CSKMT: variants seen among roughly 807,000 people sequenced by gnomAD.
CSKMT encodes the protein citrate synthase lysine methyltransferase, also known as citrate synthase-lysine N-methyltransferase CSKMT, mitochondrial.
Under a neutral mutation model 4.6 loss-of-function variants are expected in CSKMT, and 6 were observed. The observed-to-expected ratio is 1.31, with a 90% CI of 0.72 to 2.59. CSKMT has a LOEUF of 2.59. Ranked by LOEUF, CSKMT falls within the 30% of genes most tolerant of loss-of-function variation. The pLI is 0.00. For synonymous variants in CSKMT, 142 were observed against 128.9 expected (o/e 1.10, Z -0.69); for missense variants, 328 against 298.0 (o/e 1.10, Z -0.74).
At position 62,666,653 on chromosome 11, in the gene CSKMT, T is replaced by G. The variant is rs752670920; in HGVS notation, c.325T>G (p.Ser109Ala). ...AGTGGATGTGCTGGGGGTGGACTTT[T>G]CTCCTGTGGCTGTGGCCCACATGAA... ...HPVDVLGVDF[S>A]PVAVAHMNSL... Residue 109 changes from serine (S) to alanine (A), a missense_variant, in exon 3 of 3, where the codon TCT becomes GCT. Physicochemically the swap from Ser to Ala is moderately conservative, Grantham distance 99. Coordinates refer to ENST00000532971, the MANE Select transcript of CSKMT (RefSeq NM_001043229.2). 45 of 1,614,022 alleles carry G rather than the reference T, an allele frequency of 2.8e-5. No homozygotes were observed. Among genetic ancestry groups the G allele is most frequent in the Non-Finnish European group, 3.6e-5 (43 of 1,180,030 alleles).
rs1944847584 is a variant in CSKMT at position 62,667,328 on chromosome 11, T to C, written c.*277T>C. The C allele has an allele frequency of 3.0e-6, 2 of 660,184 alleles. No individual in the cohort carries two copies. Among genetic ancestry groups the C allele is most frequent in the Non-Finnish European group, 5.2e-6 (2 of 382,660 alleles). The allele number at this position is 660,184 out of a possible 1,614,324, so 40.9% of individuals were successfully genotyped here. On this transcript the variant is annotated 3_prime_UTR_variant, in exon 3 of 3. Transcript: ENST00000532971. The stretch of plus-strand genomic sequence containing the variant: ...AGGTACAATTGGGTCATTCCCCAGT[T>C]TCAACTAACTGGAGCTCCTAAAAGC...
In CSKMT at chr11:62,665,416, C is replaced by T. The variant is rs550842795; in HGVS notation, c.-234+84C>T. On this transcript the variant is annotated intron_variant, in intron 1 of 2. Transcript: ENST00000532971. Reference sequence around the variant, plus strand: ...GGGTGGAAGGCTCTGGGCGGGGTCTCAGGACCCTCCTTTTCTTGGCGGGGA... The same window carrying T: ...GGGTGGAAGGCTCTGGGCGGGGTCTTAGGACCCTCCTTTTCTTGGCGGGGA... 127 of 1,484,136 alleles carry T rather than the reference C, an allele frequency of 8.6e-5. 2 individuals are homozygous for T. The South Asian group carries it at 1.4e-3, about 16-fold the overall frequency. 91.9% of individuals were successfully genotyped at this position (1,484,136 alleles called of 1,614,324 possible). A position where few individuals can be genotyped will look rare whatever the true frequency, so the allele number is the denominator to read the frequency against.
chr11:62,665,932 G>C lies in CSKMT; in HGVS notation c.53G>C (p.Cys18Ser). ...TTGCCGAGCCTGATGATGGGGACGT[G>C]CCGCCCCTTTGCGGGTAGGGAGGTG... ...LHLPSLMMGT[C>S]RPFAGSLADS... The change falls in exon 2 of 3, where the codon TGC becomes TCC. Residue 18 changes from cysteine to serine, a missense_variant. Coordinates refer to ENST00000532971, the MANE Select transcript of CSKMT (RefSeq NM_001043229.2). 2 of 1,612,626 alleles carry C rather than the reference G, an allele frequency of 1.2e-6. No individual in the cohort carries two copies. Among genetic ancestry groups the C allele is most frequent in the Non-Finnish European group, 1.7e-6 (2 of 1,179,760 alleles).
chr11:62,665,358 C>A, intron 1 of CSKMT, 26 bp downstream of exon 1: 2 of 881,522 alleles, frequency 2.3e-6, no homozygotes, highest in Non-Finnish European at 3.6e-6. Context: ...GCTGTAGTAG[C>A]CAGATTGGGC....
At chr11:62,666,182 C>A in intron 2 of CSKMT, 1 of 709,408 alleles carries the variant, frequency 1.4e-6, no homozygotes, top group Non-Finnish European at 2.3e-6. Context: ...ACCCTGTCTA[C>A]AAAAAAAATT....
rs1944854711 is a variant in CSKMT, at chr11:62,667,588, C to T, written c.*537C>T. On this transcript the variant is annotated 3_prime_UTR_variant, in exon 3 of 3. Transcript: ENST00000532971. ...AAAGCCACTTCTACAAACACGGGAG[C>T]CTGTTGAGTCCCAGAAGGGACAGTG... 7.4e-6 allele frequency: 12 copies of T among 1,614,088 alleles called. No homozygotes were observed. The highest frequency in any genetic ancestry group is 1.0e-5 in the Non-Finnish European group (12 of 1,180,034).
In CSKMT at chr11:62,667,766, G is replaced by C; in HGVS notation, c.*715G>C. ...GCCCAGCCTGGGATGGAGGAAGAGA[G>C]GGGACAAAAATATTACTGATATATT... On this transcript the variant is annotated 3_prime_UTR_variant, in exon 3 of 3. Coordinates refer to ENST00000532971, the MANE Select transcript of CSKMT (RefSeq NM_001043229.2). 5 of 1,526,354 alleles carry C rather than the reference G, an allele frequency of 3.3e-6. No homozygotes were observed. The highest frequency in any genetic ancestry group is 4.5e-6 in the Non-Finnish European group (5 of 1,106,846). 94.6% of individuals were successfully genotyped at this position (1,526,354 alleles called of 1,614,324 possible).
Position 62,667,089 on chromosome 11 carries a change from G to A in CSKMT, c.*38G>A, listed in dbSNP as rs79709755. The A allele has an allele frequency of 1.7e-3, 2,623 of 1,525,262 alleles. 30 individuals carry two copies. The African/African-American group carries it at 0.029, about 17-fold the overall frequency. 94.5% of individuals were successfully genotyped at this position (1,525,262 alleles called of 1,614,324 possible). Reference sequence around the variant, plus strand: ...AGTCCTGACCCTAGTATTTCTGTGGGCAAGGAGAGGGCTGAAGAACTGTCT... The same window carrying A: ...AGTCCTGACCCTAGTATTTCTGTGGACAAGGAGAGGGCTGAAGAACTGTCT... On this transcript the variant is annotated 3_prime_UTR_variant, in exon 3 of 3. Transcript: ENST00000532971.
Position 62,666,752 on chromosome 11 carries a change from C to T in CSKMT, c.424C>T (p.His142Tyr), listed in dbSNP as rs1172465455. The change falls in exon 3 of 3, where the codon CAC becomes TAC. Residue 142 changes from histidine (H) to tyrosine (Y), a missense_variant. Transcript: ENST00000532971. ...GHPASSLHFM[H>Y]ADAQNLGAVA... The stretch of plus-strand genomic sequence containing the variant: ...CCCTGCCTCAAGCCTCCACTTCATG[C>T]ACGCCGATGCTCAGAACCTGGGGGC... 3 of 1,614,186 alleles carry T rather than the reference C, an allele frequency of 1.9e-6. No homozygotes were observed. The South Asian group carries it at 3.3e-5, about 18-fold the overall frequency.
chr11:62,666,582 G>C lies in CSKMT; in HGVS notation c.254G>C (p.Gly85Ala). 1.2e-6 allele frequency: 2 copies of C among 1,614,158 alleles called. No homozygotes were observed. Among genetic ancestry groups the C allele is most frequent in the Non-Finnish European group, 1.7e-6 (2 of 1,180,026 alleles). ...SPLRVLDVGC[G>A]TSSLCTGLYT... The stretch of plus-strand genomic sequence containing the variant: ...CTGCGAGTGCTGGATGTGGGCTGTG[G>C]GACTTCCAGCCTATGTACAGGCCTC... The change falls in exon 3 of 3, where the codon GGG (glycine) becomes GCG (alanine). Residue 85 changes from glycine (G) to alanine (A), a missense_variant. Physicochemically the swap from Gly to Ala is moderately conservative, Grantham distance 60. Transcript: ENST00000532971.
At chr11:62,665,975 G>C (rs776727574) in intron 2 of CSKMT, 29 bp downstream of exon 2, 1 of 1,594,738 alleles carries the variant, frequency 6.3e-7, no homozygotes, top group Non-Finnish European at 8.5e-7. Flanking sequence ...AGTGGAGAGG[G>C]CAAGGTGGGG....
rs149450298 is a variant in CSKMT, at chr11:62,667,535, T to C, written c.*484T>C. ...GAACAATACTTACCCTCAAAGCTAT[T>C]AGGAGGCAGGAGATGGGAATATTCC... On this transcript the variant is annotated 3_prime_UTR_variant, in exon 3 of 3. Coordinates refer to ENST00000532971, the MANE Select transcript of CSKMT (RefSeq NM_001043229.2). 6 of 1,613,994 alleles carry C rather than the reference T, an allele frequency of 3.7e-6. No homozygotes were observed. In the Admixed American group the frequency reaches 1.0e-4, roughly 27 times the overall value.
chr11:62,667,592 T>G lies in CSKMT; in HGVS notation c.*541T>G. On this transcript the variant is annotated 3_prime_UTR_variant, in exon 3 of 3. Transcript: ENST00000532971. ...CCACTTCTACAAACACGGGAGCCTG[T>G]TGAGTCCCAGAAGGGACAGTGGTTG... The G allele has an allele frequency of 1.9e-6, 3 of 1,614,120 alleles. No individual in the cohort carries two copies. Among genetic ancestry groups the G allele is most frequent in the Non-Finnish European group, 2.5e-6 (3 of 1,180,022 alleles).
rs758568457 is a variant in CSKMT at position 62,666,657 on chromosome 11, C to T, written c.329C>T (p.Pro110Leu). 6.2e-6 allele frequency: 10 copies of T among 1,614,040 alleles called. No homozygotes were observed. The African/African-American group carries it at 1.1e-4, about 17-fold the overall frequency. Residue 110 changes from proline (P) to leucine (L), a missense_variant, in exon 3 of 3, where the codon CCT becomes CTT. Transcript: ENST00000532971. ...GATGTGCTGGGGGTGGACTTTTCTC[C>T]TGTGGCTGTGGCCCACATGAATAGC... is the stretch of plus-strand genomic sequence containing the variant. ...PVDVLGVDFS[P>L]VAVAHMNSLL...
Position 62,665,317 on chromosome 11 carries a change from G to C in CSKMT, c.-249G>C, listed in dbSNP as rs948367991. The C allele has an allele frequency of 5.5e-6, 4 of 728,208 alleles. No individual in the cohort carries two copies. The highest frequency in any genetic ancestry group is 2.7e-5 in the East Asian group (1 of 37,302). The allele number at this position is 728,208 out of a possible 1,614,324, so 45.1% of individuals were successfully genotyped here. Reference sequence around the variant, plus strand: ...AGCTCCGCGGTGCGGGAGGCCTTTCGGAGGGTGGTGAGCTAGTAAGTGTGG... The same window carrying C: ...AGCTCCGCGGTGCGGGAGGCCTTTCCGAGGGTGGTGAGCTAGTAAGTGTGG... On this transcript the variant is annotated 5_prime_UTR_variant, in exon 1 of 3. Coordinates refer to ENST00000532971, the MANE Select transcript of CSKMT (RefSeq NM_001043229.2).
Position 62,666,515 on chromosome 11 carries a change from C to A in CSKMT, c.187C>A (p.Leu63Ile). The change falls in exon 3 of 3, where the codon CTC (leucine) becomes ATC (isoleucine). Residue 63 changes from leucine to isoleucine, a missense_variant. Coordinates refer to ENST00000532971, the MANE Select transcript of CSKMT (RefSeq NM_001043229.2). Reference protein sequence around the residue: ...WFFGYDEVQGLLLPLLQEAQA... With the variant: ...WFFGYDEVQGILLPLLQEAQA... The stretch of plus-strand genomic sequence containing the variant: ...CTTTGGATACGACGAAGTCCAGGGG[C>A]TCCTACTGCCATTGCTGCAGGAGGC... 1 of 1,614,154 alleles carries A rather than the reference C, an allele frequency of 6.2e-7. No homozygotes were observed. Among genetic ancestry groups the A allele is most frequent in the Non-Finnish European group, 8.5e-7 (1 of 1,180,040 alleles).
chr11:62,665,846 A>G lies in CSKMT; in HGVS notation c.-34A>G, dbSNP rs552515929. The stretch of plus-strand genomic sequence containing the variant: ...CTGGAGTAGGGTGGACGCTTCACAT[A>G]AGCTTCTCTGGTCGAACTTACCCGA... On this transcript the variant is annotated 5_prime_UTR_variant, in exon 2 of 3. In the 5' UTR this introduces an upstream ATG that the reference lacks. Transcript: ENST00000532971. 6.3e-5 allele frequency: 102 copies of G among 1,608,292 alleles called. 2 individuals carry two copies. In the South Asian group the frequency reaches 1.1e-3, roughly 17 times the overall value.
chr11:62,666,272 T>C (rs1565127108), intron 2 of CSKMT, 124 bp from the exon 3 acceptor site: 2 of 984,750 alleles, frequency 2.0e-6, no homozygotes, highest in Non-Finnish European at 1.6e-6. Context: ...ATTGTGCTAC[T>C]GTACTCAACC....
Position 62,667,903 on chromosome 11 carries a change from ACTCT to A in CSKMT, c.*853_*856del. The A allele has an allele frequency of 1.7e-6, 1 of 601,920 alleles. No individual in the cohort carries two copies. The highest frequency in any genetic ancestry group is 2.9e-6 in the Non-Finnish European group (1 of 339,000). The allele number at this position is 601,920 out of a possible 1,614,324, so 37.3% of individuals were successfully genotyped here. On this transcript the variant is annotated 3_prime_UTR_variant, in exon 3 of 3. Coordinates refer to ENST00000532971, the MANE Select transcript of CSKMT (RefSeq NM_001043229.2). The stretch of plus-strand genomic sequence containing the variant: ...CCCTGGCAATAAAGTGACACCCCTA[ACTCT>A]ACAAAAACAAATGAGCCCGGGATAG...
Sources: gnomAD v4.1 joint callset for allele counts on GRCh38, gnomAD v4.1.1 for gene constraint, MANE v1.5 for transcripts, NCBI Gene and HGNC (gene_info 2026-07-23, HGNC 2026-07-21) for gene names.